TENM3: variants seen among roughly 807,000 people sequenced by gnomAD.
The protein encoded by TENM3 is teneurin transmembrane protein 3.
A neutral mutation model predicts 255.1 loss-of-function variants in TENM3; 63 were observed. The ratio of observed to expected loss-of-function variants is 0.25; its 90% confidence interval spans 0.20 to 0.30. The LOEUF is 0.30. Among genes scored for constraint, TENM3 ranks in the 10% least tolerant of loss-of-function variants. The pLI is 1.00. For synonymous variants in TENM3, 1,306 were observed against 1,322.3 expected (o/e 0.99, Z 0.27); for missense variants, 2,929 against 3,461.1 (o/e 0.85, Z 3.86).
At chr4:182,292,513 A>C (rs1647202153) in intron 1 of TENM3, among the ~76,000 whole-genome samples, 1 of 152,094 alleles carries the variant, frequency 6.6e-6, no homozygotes, top group Admixed American at 6.5e-5. Flanking sequence ...TGCTATCTAT[A>C]TTGTTTGAAA....
chr4:182,621,826 T>A (rs1750304553), intron 4 of TENM3, among the ~76,000 whole-genome samples: 4 of 117,086 alleles, frequency 3.4e-5, no homozygotes, highest in African/African-American at 1.4e-4. Flanking sequence ...ATATATATAT[T>A]AGCCAGATGT....
the TENM3 span, among the ~76,000 whole-genome samples, chr4:181,811,351 T>G: frequency 6.6e-6 from 1 of 152,212 alleles, no homozygotes; most frequent in Non-Finnish European, 1.5e-5. Flanking sequence ...CATGTATCTC[T>G]TCTCAATTAT....
At chr4:182,573,858 G>T (rs1375159508) in intron 3 of TENM3, among the ~76,000 whole-genome samples, 1 of 152,060 alleles carries the variant, frequency 6.6e-6, no homozygotes, top group East Asian at 1.9e-4. Context: ...TCACTGAAAT[G>T]ACTGTGCTTA....
chr4:182,665,476 A>G (rs993561964), intron 6 of TENM3, among the ~76,000 whole-genome samples: 3 of 152,230 alleles, frequency 2.0e-5, no homozygotes, highest in African/African-American at 7.2e-5. Context: ...CCATGGATCA[A>G]GGAGTAATTT....
chr4:182,236,427 A>G (rs1302468524), intron 1 of TENM3, among the ~76,000 whole-genome samples: 2 of 152,180 alleles, frequency 1.3e-5, no homozygotes, highest in African/African-American at 4.8e-5. Flanking sequence ...GCCTATTCAT[A>G]ATATGGACAT....
the TENM3 span, among the ~76,000 whole-genome samples, chr4:182,005,644 A>C: frequency 6.6e-6 from 1 of 152,326 alleles, no homozygotes; most frequent in Non-Finnish European, 1.5e-5. Context: ...CATTGAATCT[A>C]TAAATTACTT....
the TENM3 span, among the ~76,000 whole-genome samples, chr4:181,988,976 C>T: frequency 6.6e-6 from 1 of 152,174 alleles, no homozygotes; most frequent in African/African-American, 2.4e-5. Flanking sequence ...GCAGTTAAGA[C>T]ATCTTTGCCT....
chr4:182,610,730 C>T (rs1299019497), intron 4 of TENM3, among the ~76,000 whole-genome samples: 1 of 143,892 alleles, frequency 6.9e-6, no homozygotes. Flanking sequence ...TGCCACCATG[C>T]CCAACTAAAG....
chr4:182,680,516 A>G (rs1240124032), intron 9 of TENM3, 27 bp from the exon 10 acceptor site: 13 of 1,610,026 alleles, frequency 8.1e-6, no homozygotes, highest in Non-Finnish European at 1.1e-5. Flanking sequence ...TGTGGCTGTA[A>G]TTCTTCTGTC....
At chr4:182,769,319 TAGTC>T (rs887253626) in intron 22 of TENM3, among the ~76,000 whole-genome samples, 2 of 152,004 alleles carry the variant, frequency 1.3e-5, no homozygotes, top group Admixed American at 6.6e-5. Context: ...TTCACTCCCT[TAGTC>T]AGAGTCCCCG....
At chr4:182,704,389 A>G (rs1758113942) in intron 12 of TENM3, among the ~76,000 whole-genome samples, 1 of 152,236 alleles carries the variant, frequency 6.6e-6, no homozygotes, top group African/African-American at 2.4e-5. Context: ...ATGGTCAGGC[A>G]TGAAATCCTA....
At position 182,636,597 on chromosome 4, in the gene TENM3, G is replaced by T. The variant is rs7669471; in HGVS notation, c.988+7708G>T. Among the ~76,000 whole-genome samples the T allele has an allele frequency of 6.3e-4, 96 of 151,942 alleles. 1 individual carries two copies. The highest frequency in any genetic ancestry group is 2.0e-3 in the African/African-American group (82 of 41,432). ...CCAGGCATGGTGGCACGCACCTGTA[G>T]TCCCAGCTACTCGGGAGGCTGAGGC... On this transcript the variant is annotated intron_variant, in intron 5 of 27. Coordinates refer to ENST00000511685, the MANE Select transcript of TENM3 (RefSeq NM_001080477.4).
At chr4:182,161,955 GTGTGTATATA>G (rs1391273146) in intron 1 of TENM3, among the ~76,000 whole-genome samples, 11 of 12,756 alleles carry the variant, frequency 8.6e-4, no homozygotes, top group African/African-American at 2.7e-3. Context: ...TTGTGTGTGT[GTGTGTATATA>G]TATATATATA....
intron 5 of TENM3, among the ~76,000 whole-genome samples, chr4:182,633,465 C>T (rs1037826018): frequency 2.0e-5 from 3 of 152,180 alleles, no homozygotes; most frequent in African/African-American, 7.2e-5. Context: ...GCGATACCTA[C>T]GTTTTGCTGT....
intron 3 of TENM3, among the ~76,000 whole-genome samples, chr4:182,523,012 T>C (rs1364010001): frequency 6.6e-6 from 1 of 152,216 alleles, no homozygotes; most frequent in African/African-American, 2.4e-5. Flanking sequence ...TGAGATGGTC[T>C]CTTTGGGGTT....
At chr4:181,918,033 G>A in the TENM3 span, among the ~76,000 whole-genome samples, 1 of 152,114 alleles carries the variant, frequency 6.6e-6, no homozygotes, top group Non-Finnish European at 1.5e-5. Flanking sequence ...ATTTTCTTAA[G>A]CTACTTTTGT....
chr4:182,254,937 G>A (rs1162796802), intron 1 of TENM3, among the ~76,000 whole-genome samples: 8 of 152,190 alleles, frequency 5.3e-5, no homozygotes. Context: ...CTGGGTTTTG[G>A]TGTTGTGTTT....
At chr4:182,661,910 G>A (rs1396443296) in intron 6 of TENM3, among the ~76,000 whole-genome samples, 1 of 152,084 alleles carries the variant, frequency 6.6e-6, no homozygotes, top group Non-Finnish European at 1.5e-5. Flanking sequence ...CACATCATAG[G>A]CAGGTGGCAA....
At chr4:181,653,057 A>G in the TENM3 span, among the ~76,000 whole-genome samples, 1 of 152,250 alleles carries the variant, frequency 6.6e-6, no homozygotes, top group African/African-American at 2.4e-5. Flanking sequence ...AGCTGACATT[A>G]TAACACTTGT....
Sources: allele counts gnomAD v4.1 joint callset (sites outside exome capture counted in the v4.1 genomes callset), GRCh38; gene constraint gnomAD v4.1.1; transcripts MANE v1.5; gene names NCBI Gene and HGNC (gene_info 2026-07-23, HGNC 2026-07-21).